CNBD1: variants seen among roughly 807,000 people sequenced by gnomAD.
CNBD1 encodes cyclic nucleotide-binding domain-containing protein 1.
A neutral mutation model predicts 54.4 loss-of-function variants in CNBD1; 71 were observed. That is an observed-to-expected ratio of 1.30 (90% CI 1.08 to 1.59). CNBD1 has a LOEUF of 1.59. CNBD1 is among the 40% of genes most tolerant of loss of function. The probability of loss-of-function intolerance (pLI) is 0.00; values close to 1 mark genes in which losing one functional copy is unlikely to be tolerated. For missense variants in CNBD1, 659 were observed against 518.0 expected, an observed-to-expected ratio of 1.27 and a Z score of -2.64; for synonymous variants, 182 against 170.7, an observed-to-expected ratio of 1.07 and a Z score of -0.51.
intron 4 of CNBD1, among the ~76,000 whole-genome samples, chr8:87,167,424 T>A (rs1424667724): frequency 6.6e-6 from 1 of 151,996 alleles, no homozygotes; most frequent in African/African-American, 2.4e-5. Context: ...ATTCTATACA[T>A]CCTTCAGTGT....
At chr8:87,402,348 G>A (rs1409900304) in intron 2 of CNBD1, among the ~76,000 whole-genome samples, 1 of 151,942 alleles carries the variant, frequency 6.6e-6, no homozygotes, top group East Asian at 1.9e-4. Context: ...AGCATTTCAG[G>A]AAGCATTCTT....
At position 87,013,127 on chromosome 8, in the gene CNBD1, G is replaced by A. The variant is rs910569010; in HGVS notation, c.431+73373G>A. Among the ~76,000 whole-genome samples, 5 of 152,296 alleles carry A rather than the reference G, an allele frequency of 3.3e-5. No individual in the cohort carries two copies. In the South Asian group the frequency reaches 1.0e-3, roughly 32 times the overall value. The stretch of plus-strand genomic sequence containing the variant: ...AAGTGGAGCTAAGGTACAAGCAGGG[G>A]CCCATTGAAGCCCCACTGAATTCAA... On this transcript the variant is annotated intron_variant, in intron 4 of 10. Transcript: ENST00000518476.
At position 87,338,174 on chromosome 8, in the gene CNBD1, C is replaced by T. The variant is rs183887341; in HGVS notation, c.1043-13511C>T. On this transcript the variant is annotated intron_variant, in intron 8 of 10. Coordinates refer to ENST00000518476, the MANE Select transcript of CNBD1 (RefSeq NM_173538.3). ...AGAAAGTGTGAGTACCTTTAAGTAA[C>T]GTTATAAGAATGAAATAATCTATTC... Among the ~76,000 whole-genome samples the T allele has an allele frequency of 4.4e-3, 662 of 152,136 alleles. 5 individuals carry two copies. The highest frequency in any genetic ancestry group is 6.6e-3 in the Non-Finnish European group (446 of 68,008).
intron 4 of CNBD1, among the ~76,000 whole-genome samples, chr8:87,201,174 A>G (rs1053910151): frequency 6.6e-6 from 1 of 152,154 alleles, no homozygotes; most frequent in African/African-American, 2.4e-5. Flanking sequence ...GAAAAAACTG[A>G]CAAAATCCAA....
intron 3 of CNBD1, among the ~76,000 whole-genome samples, chr8:86,930,891 T>C (rs917906816): frequency 1.3e-5 from 2 of 152,060 alleles, no homozygotes; most frequent in Non-Finnish European, 2.9e-5. Context: ...GGAAAAGCGG[T>C]GGGGTCTTTT....
intron 2 of CNBD1, among the ~76,000 whole-genome samples, chr8:87,399,543 C>T (rs776881211): frequency 2.0e-5 from 3 of 151,940 alleles, no homozygotes; most frequent in Non-Finnish European, 4.4e-5. Context: ...CTGAGTTATC[C>T]TGGATAATTT....
intron 8 of CNBD1, among the ~76,000 whole-genome samples, chr8:87,337,335 T>A (rs1809965283): frequency 6.6e-6 from 1 of 152,168 alleles, no homozygotes. Context: ...TGGGGACTTC[T>A]GCTACCCCTC....
At chr8:87,349,809 A>T (rs572770342) in intron 8 of CNBD1, among the ~76,000 whole-genome samples, 15 of 152,348 alleles carry the variant, frequency 9.8e-5, no homozygotes, top group African/African-American at 3.1e-4. Context: ...TCGAGTAGCC[A>T]GTTCCCCCTC....
chr8:87,311,833 A>G (rs1809272423), intron 8 of CNBD1, among the ~76,000 whole-genome samples: 1 of 152,098 alleles, frequency 6.6e-6, no homozygotes, highest in African/African-American at 2.4e-5. Flanking sequence ...ACCTATGCAA[A>G]TTAACACAGG....
At chr8:87,043,980 T>C (rs536214115) in intron 4 of CNBD1, among the ~76,000 whole-genome samples, 1 of 152,334 alleles carries the variant, frequency 6.6e-6, no homozygotes, top group Admixed American at 6.5e-5. Flanking sequence ...TGCTTTAATG[T>C]CTTTGGTAGA....
chr8:87,413,084 C>T (rs1051260593), intron 2 of CNBD1, among the ~76,000 whole-genome samples: 17 of 151,876 alleles, frequency 1.1e-4, no homozygotes, highest in Non-Finnish European at 2.4e-4. Context: ...ACAAGGGGCT[C>T]TCAATTGTAC....
intron 10 of CNBD1, 70 bp downstream of exon 10, chr8:87,353,856 T>G (rs1810360852): frequency 2.4e-6 from 3 of 1,233,132 alleles, no homozygotes; most frequent in Non-Finnish European, 3.4e-6. Flanking sequence ...TTTAAATTTT[T>G]TTCCTTATTA....
chr8:87,427,618 C>T (rs1440594296), intron 2 of CNBD1, among the ~76,000 whole-genome samples: 1 of 152,094 alleles, frequency 6.6e-6, no homozygotes, highest in African/African-American at 2.4e-5. Context: ...AATTGAATTA[C>T]TTGTTAATAT....
intron 4 of CNBD1, among the ~76,000 whole-genome samples, chr8:86,979,339 G>C (rs1039403029): frequency 7.2e-6 from 1 of 138,216 alleles, no homozygotes; most frequent in Non-Finnish European, 1.5e-5. Context: ...GCCAAAATTG[G>C]CAGATCACTT....
chr8:87,334,187 C>A (rs1292815315), intron 8 of CNBD1, among the ~76,000 whole-genome samples: 30 of 152,132 alleles, frequency 2.0e-4, no homozygotes, highest in Admixed American at 2.0e-3. Flanking sequence ...TTATACCATT[C>A]TCTGATGGTA....
intron 4 of CNBD1, among the ~76,000 whole-genome samples, chr8:86,972,798 G>T (rs1399237617): frequency 6.6e-6 from 1 of 152,066 alleles, no homozygotes; most frequent in Non-Finnish European, 1.5e-5. Flanking sequence ...TTATTCCCTG[G>T]TTCCTTTCTT....
intron 4 of CNBD1, among the ~76,000 whole-genome samples, chr8:87,139,594 G>C (rs780783615): frequency 1.3e-5 from 2 of 152,174 alleles, no homozygotes; most frequent in Non-Finnish European, 2.9e-5. Flanking sequence ...GCTGCCTAGA[G>C]TGGTGTCAGG....
At position 87,206,051 on chromosome 8, in the gene CNBD1, C is replaced by T. The variant is rs1314550439; in HGVS notation, c.490C>T (p.Pro164Ser). Residue 164 changes from proline to serine, a missense_variant, in exon 5 of 11, where the codon CCA becomes TCA. Transcript: ENST00000518476. The part of the protein sequence containing the change: ...KTVWKFLKTI[P>S]DLTFQLNDKH... ...TGTGTGGAAGTTCCTGAAAACAATTCCAGATTTAACCTTTCAGCTAAATGA... is the reference window on the plus strand; with the variant it reads ...TGTGTGGAAGTTCCTGAAAACAATTTCAGATTTAACCTTTCAGCTAAATGA... The T allele has an allele frequency of 6.2e-7, 1 of 1,601,674 alleles. No homozygotes were observed. Among genetic ancestry groups the T allele is most frequent in the Admixed American group, 1.7e-5 (1 of 58,368 alleles).
At chr8:86,910,049 T>C (rs573333339) in intron 3 of CNBD1, among the ~76,000 whole-genome samples, 2 of 152,306 alleles carry the variant, frequency 1.3e-5, no homozygotes, top group East Asian at 3.9e-4. Context: ...CTAATAATAA[T>C]TTAAGCACGA....
Sources: gnomAD v4.1 joint callset for allele counts (sites outside exome capture counted in the v4.1 genomes callset) on GRCh38, gnomAD v4.1.1 for gene constraint, MANE v1.5 for transcripts, NCBI Gene and HGNC (gene_info 2026-07-23, HGNC 2026-07-21) for gene names.